The following TMPRSS11B variants were observed in gnomAD, a reference collection of about 807,000 sequenced individuals.
The protein encoded by TMPRSS11B is transmembrane serine protease 11B, also known as transmembrane protease serine 11B.
A neutral mutation model predicts 44.7 loss-of-function variants in TMPRSS11B; 53 were observed. The ratio of observed to expected loss-of-function variants is 1.19; its 90% CI spans 0.95 to 1.49. TMPRSS11B has a LOEUF of 1.49. TMPRSS11B is among the 40% of genes most tolerant of loss of function. TMPRSS11B has a pLI of 0.00. For synonymous variants in TMPRSS11B, 140 were observed against 159.2 expected (o/e 0.88, Z 0.91); for missense variants, 526 against 494.8 (o/e 1.06, Z -0.60).
intron 7 of TMPRSS11B, among the ~76,000 whole-genome samples, chr4:68,230,246 G>A (rs1424013143): frequency 2.0e-5 from 3 of 152,108 alleles, no homozygotes; most frequent in Non-Finnish European, 4.4e-5. Context: ...CTTTTTGGTA[G>A]AACAATTTAT....
intron 1 of TMPRSS11B, among the ~76,000 whole-genome samples, chr4:68,242,257 A>AT (rs1290356443): frequency 1.3e-5 from 1 of 77,318 alleles, no homozygotes; most frequent in African/African-American, 6.5e-5. Flanking sequence ...TATATATTAT[A>AT]ATATATATAA....
intron 2 of TMPRSS11B, among the ~76,000 whole-genome samples, chr4:68,240,733 CA>C (rs1322312990): frequency 6.6e-6 from 1 of 151,962 alleles, no homozygotes; most frequent in African/African-American, 2.4e-5. Flanking sequence ...ATTGAGTGCC[CA>C]TTACCCTTCT....
At chr4:68,239,980 G>A (rs926272459) in intron 2 of TMPRSS11B, among the ~76,000 whole-genome samples, 5 of 152,238 alleles carry the variant, frequency 3.3e-5, no homozygotes, top group Admixed American at 1.3e-4. Flanking sequence ...TAAGTAAAAC[G>A]GTTGAGAAAG....
At chr4:68,242,498 A>G (rs1719889038) in intron 1 of TMPRSS11B, among the ~76,000 whole-genome samples, 1 of 142,360 alleles carries the variant, frequency 7.0e-6, no homozygotes, top group Non-Finnish European at 1.5e-5. Context: ...ATCTCTATGT[A>G]ATAAAATTAT....
chr4:68,235,327 T>A (rs1057401855), intron 4 of TMPRSS11B, among the ~76,000 whole-genome samples: 3 of 152,224 alleles, frequency 2.0e-5, no homozygotes, highest in African/African-American at 7.2e-5. Flanking sequence ...TTTGTTTGTC[T>A]GTAGGTAAGT....
rs1340273959 is a variant in TMPRSS11B at position 68,236,164 on chromosome 4, T to A, written c.227A>T (p.Asp76Val). ...TCTCTGATTTACCTTAGTCTCAATATCTTTGCTTAGATTTGTGCTGGCTTG... is the reference window on the plus strand; with the variant it reads ...TCTCTGATTTACCTTAGTCTCAATAACTTTGCTTAGATTTGTGCTGGCTTG... ...ASQASTNLSK[D>V]IETKMLNAFQ... The change falls in exon 3 of 10, where the codon GAT becomes GTT. Residue 76 changes from aspartate to valine, a missense_variant. Asp to Val is a radical substitution (Grantham distance 152). Transcript: ENST00000332644. 1.2e-6 allele frequency: 2 copies of A among 1,608,546 alleles called. No homozygotes were observed. Among genetic ancestry groups the A allele is most frequent in the South Asian group, 2.2e-5 (2 of 89,720 alleles).
At position 68,227,979 on chromosome 4, in the gene TMPRSS11B, T is replaced by C; in HGVS notation, c.1183A>G (p.Asn395Asp). ...ACTCGAGTATAGACACCTGGCTTAT[T>C]CTTTTTACCACATCCATCACCCCAG... ...VSWGDGCGKK[N>D]KPGVYTRVTS... Residue 395 changes from asparagine to aspartate, a missense_variant, in exon 10 of 10, where the codon AAT (asparagine) becomes GAT (aspartate). Physicochemically the swap from Asn to Asp is conservative, Grantham distance 23. Transcript: ENST00000332644. 1.9e-6 allele frequency: 3 copies of C among 1,614,062 alleles called. No homozygotes were observed. The highest frequency in any genetic ancestry group is 2.5e-6 in the Non-Finnish European group (3 of 1,179,988).
intron 2 of TMPRSS11B, among the ~76,000 whole-genome samples, chr4:68,236,961 T>C (rs546699298): frequency 6.7e-6 from 1 of 150,212 alleles, no homozygotes; most frequent in African/African-American, 2.5e-5. Flanking sequence ...TATTATACTT[T>C]AACTTCTGGG....
chr4:68,237,944 G>A (rs72856404), intron 2 of TMPRSS11B, among the ~76,000 whole-genome samples: 1,647 of 152,216 alleles, frequency 0.011, 30 homozygotes, highest in African/African-American at 0.037. Context: ...TTGGGCCCAG[G>A]AGTTCAAGTC....
In TMPRSS11B at chr4:68,233,094, AAGG is replaced by A. The variant is rs368287457; in HGVS notation, c.470-681_470-679del. ...CCTATTGGTAAAAGACTTTAGAGAG[AAGG>A]AGAAGAGGAGGAAACTAAAGAAACA... On this transcript the variant is annotated intron_variant, in intron 5 of 9. Transcript: ENST00000332644. 2.3e-3 allele frequency among the ~76,000 whole-genome samples: 354 copies of A among 152,214 alleles called. 4 individuals carry two copies. The highest frequency in any genetic ancestry group is 7.9e-3 in the African/African-American group (330 of 41,550).
At chr4:68,233,476 C>G (rs1321804675) in intron 5 of TMPRSS11B, among the ~76,000 whole-genome samples, 2 of 152,056 alleles carry the variant, frequency 1.3e-5, no homozygotes, top group East Asian at 3.9e-4. Context: ...TTACAAACTT[C>G]ACTTTCTGTA....
At chr4:68,231,936 GA>G (rs1423441384) in intron 6 of TMPRSS11B, 2 of 157,026 alleles carry the variant, frequency 1.3e-5, no homozygotes, top group African/African-American at 4.8e-5. Context: ...TTGCACCTGT[GA>G]ATTGCACTCC....
intron 1 of TMPRSS11B, among the ~76,000 whole-genome samples, chr4:68,245,091 T>C (rs1037493346): frequency 1.3e-5 from 2 of 152,184 alleles, no homozygotes; most frequent in Non-Finnish European, 2.9e-5. Context: ...TTTGAGAACC[T>C]GCAGTTTGCC....
chr4:68,238,408 G>A (rs1353746351), intron 2 of TMPRSS11B, among the ~76,000 whole-genome samples: 1 of 151,942 alleles, frequency 6.6e-6, no homozygotes, highest in Non-Finnish European at 1.5e-5. Flanking sequence ...TAGCCCGCTG[G>A]GATTTTCTTT....
At chr4:68,232,484 A>C (rs1053636436) in intron 5 of TMPRSS11B, 68 bp from the exon 6 acceptor site, 61 of 1,432,316 alleles carry the variant, frequency 4.3e-5, no homozygotes, top group Non-Finnish European at 5.7e-5. Flanking sequence ...CTTCAACCTA[A>C]GAACATAAAT....
At chr4:68,236,915 CATTATTATTATTATTATTATT>C (rs10582916) in intron 2 of TMPRSS11B, among the ~76,000 whole-genome samples, 1 of 143,098 alleles carries the variant, frequency 7.0e-6, no homozygotes, top group African/African-American at 2.6e-5. Context: ...ACCATGGTGC[CATTATTATTATTATTATTATT>C]ATTATTATTA....
At chr4:68,242,206 TA>T (rs1223043576) in intron 1 of TMPRSS11B, among the ~76,000 whole-genome samples, 43 of 41,166 alleles carry the variant, frequency 1.0e-3, no homozygotes, top group East Asian at 1.7e-3. Context: ...TAATATAATA[TA>T]ATATATATAA....
At chr4:68,242,207 AATAT>A (rs1314225689) in intron 1 of TMPRSS11B, among the ~76,000 whole-genome samples, 1 of 41,308 alleles carries the variant, frequency 2.4e-5, no homozygotes, top group Non-Finnish European at 4.4e-5. Flanking sequence ...AATATAATAT[AATAT>A]ATATAATATT....
chr4:68,241,487 C>T (rs188996717), intron 2 of TMPRSS11B, among the ~76,000 whole-genome samples: 2 of 152,050 alleles, frequency 1.3e-5, no homozygotes, highest in Non-Finnish European at 1.5e-5. Context: ...GCTCATACCC[C>T]CATAGTTAGT....
Sources: allele counts gnomAD v4.1 joint callset (sites outside exome capture counted in the v4.1 genomes callset), GRCh38; gene constraint gnomAD v4.1.1; transcripts MANE v1.5; gene names NCBI Gene and HGNC (gene_info 2026-07-23, HGNC 2026-07-21).